The following PLA2G15 variants were observed in gnomAD, a reference collection of about 807,000 sequenced individuals.
PLA2G15 encodes lysosomal phospholipase A and acyltransferase.
A neutral mutation model predicts 40.9 loss-of-function variants in PLA2G15; 20 were observed. That is an observed-to-expected ratio of 0.49 (90% CI 0.34 to 0.71). The LOEUF is 0.71. PLA2G15 is among the 30% of genes least tolerant of loss of function. PLA2G15 has a pLI of 0.01. For missense variants in PLA2G15, 471 were observed against 541.9 expected (o/e 0.87, Z 1.30); for synonymous variants, 223 against 228.2 (o/e 0.98, Z 0.21).
In PLA2G15 at chr16:68,260,175, C is replaced by T. The variant is rs1414139732; in HGVS notation, c.*518C>T. The T allele has an allele frequency of 1.3e-5, 2 of 156,286 alleles. No individual in the cohort carries two copies. The highest frequency in any genetic ancestry group is 2.0e-4 in the South Asian group (1 of 5,066). 9.7% of individuals were successfully genotyped at this position (156,286 alleles called of 1,614,324 possible). A position where few individuals can be genotyped will look rare whatever the true frequency, so the allele number is the denominator to read the frequency against. On this transcript the variant is annotated 3_prime_UTR_variant, in exon 6 of 6. Coordinates refer to ENST00000219345, the MANE Select transcript of PLA2G15 (RefSeq NM_012320.4). ...ATGGGTAGCTAGAGCTGCTGGCTTC[C>T]CTGTGGCTTAGCTGGTGGCCAGCCT...
At position 68,255,416 on chromosome 16, in the gene PLA2G15, G is replaced by T; in HGVS notation, c.502+36G>T. The T allele has an allele frequency of 7.0e-7, 1 of 1,430,358 alleles. No individual in the cohort carries two copies. The highest frequency in any genetic ancestry group is 9.7e-7 in the Non-Finnish European group (1 of 1,029,438). The allele number at this position is 1,430,358 out of a possible 1,614,324, so 88.6% of individuals were successfully genotyped here. ...ACTCTCATTCCCTCCCTGACGTCTC[G>T]GGAGGTAGGGGTGAGGTGATCATGG... On this transcript the variant is annotated intron_variant, in intron 4 of 5. Coordinates refer to ENST00000219345, the MANE Select transcript of PLA2G15 (RefSeq NM_012320.4). The surrounding 1 kb of genome is among the most constrained non-coding windows in gnomAD (Gnocchi z 5.9).
In PLA2G15 at chr16:68,255,015, G is replaced by A. The variant is rs2042389031; in HGVS notation, c.381G>A (p.Leu127=). The A allele has an allele frequency of 6.2e-7, 1 of 1,612,936 alleles. No homozygotes were observed. Among genetic ancestry groups the A allele is most frequent in the African/African-American group, 1.3e-5 (1 of 74,988 alleles). ...GGAAGACCTTCTCACTGGAGTTCCTGGACCCCAGCAAAAGCAGCGTGGGTA... is the reference window on the plus strand; with the variant it reads ...GGAAGACCTTCTCACTGGAGTTCCTAGACCCCAGCAAAAGCAGCGTGGGTA... ...GFGKTFSLEF[L]DPSKSSVGSY... is the part of the protein sequence containing the mutation. The change falls in exon 3 of 6, where the codon CTG becomes CTA. Residue 127 remains leucine, a synonymous_variant. Transcript: ENST00000219345. The surrounding 1 kb of genome is among the most constrained non-coding windows in gnomAD (Gnocchi z 5.9).
rs545651676 is a variant in PLA2G15, at chr16:68,249,467, AG to A, written c.284+27del. On this transcript the variant is annotated intron_variant, in intron 2 of 5. Transcript: ENST00000219345. ...ATCAGGTGGGGGCTGGGGCACACAG[AG>A]GGGGGTGCTGCTCACCAACAGTGCC... 2,464 of 1,611,560 alleles carry A rather than the reference AG, an allele frequency of 1.5e-3. 15 individuals carry two copies. Among genetic ancestry groups the A allele is most frequent in the South Asian group, 8.3e-3 (754 of 90,996 alleles).
intron 2 of PLA2G15, chr16:68,252,565 C>G (rs151128135): frequency 4.4e-6 from 2 of 455,914 alleles, no homozygotes; most frequent in Non-Finnish European, 8.8e-6. Context: ...AGCCCTGAGG[C>G]GGGGTCTGTC....
Position 68,255,481 on chromosome 16 carries a change from C to G in PLA2G15, c.502+101C>G. 1.3e-6 allele frequency: 1 copy of G among 785,014 alleles called. No homozygotes were observed. The highest frequency in any genetic ancestry group is 2.0e-6 in the Non-Finnish European group (1 of 489,180). The allele number at this position is 785,014 out of a possible 1,614,324, so 48.6% of individuals were successfully genotyped here. The stretch of plus-strand genomic sequence containing the variant: ...GGGCTCTCCCCTTGTCCTTGGCTGT[C>G]TCCTGTCCCTGGGCCTCTGGCATCC... On this transcript the variant is annotated intron_variant, in intron 4 of 5. Coordinates refer to ENST00000219345, the MANE Select transcript of PLA2G15 (RefSeq NM_012320.4). This position sits in a 1 kb window ranked among gnomAD's most constrained non-coding sequence, Gnocchi z 5.9.
In PLA2G15 at chr16:68,260,520, A is replaced by C. The variant is rs2042439268; in HGVS notation, c.*863A>C. The C allele has an allele frequency of 6.6e-6, 1 of 152,472 alleles. No homozygotes were observed. Among genetic ancestry groups the C allele is most frequent in the Non-Finnish European group, 1.5e-5 (1 of 68,224 alleles). The allele number at this position is 152,472 out of a possible 1,614,324, so 9.4% of individuals were successfully genotyped here. ...ATGGAGAAAGGGAATCCAAGGAAGC[A>C]GCCAAGGCTGCTCGCAGCTTCCCTG... On this transcript the variant is annotated 3_prime_UTR_variant, in exon 6 of 6. Coordinates refer to ENST00000219345, the MANE Select transcript of PLA2G15 (RefSeq NM_012320.4).
Position 68,245,542 on chromosome 16 carries a change from C to G in PLA2G15, c.116C>G (p.Pro39Arg), listed in dbSNP as rs552310423. Reference sequence around the variant, plus strand: ...GCGCTCCCGGCCGGACGTCACCCCCCAGTGGTGCTGGGTGAGGCACGGGTC... The same window carrying G: ...GCGCTCCCGGCCGGACGTCACCCCCGAGTGGTGCTGGGTGAGGCACGGGTC... ...DPALPAGRHP[P>R]VVLVPGDLGN... is the part of the protein sequence containing the mutation. Residue 39 changes from proline to arginine, a missense_variant, in exon 1 of 6, where the codon CCA (proline) becomes CGA (arginine). Pro to Arg is a moderately radical substitution (Grantham distance 103). Transcript: ENST00000219345. 5.7e-6 allele frequency: 9 copies of G among 1,583,300 alleles called. No individual in the cohort carries two copies. The highest frequency in any genetic ancestry group is 2.3e-5 in the East Asian group (1 of 43,112).
chr16:68,249,525 C>G lies in PLA2G15; in HGVS notation c.284+79C>G, dbSNP rs1383721072. ...GCCTCCAGAGTCTGTTCCTTCTATC[C>G]TCATCTCGAGGTCACTGACCTCTCT... On this transcript the variant is annotated intron_variant, in intron 2 of 5. Transcript: ENST00000219345. 3.6e-6 allele frequency: 5 copies of G among 1,378,300 alleles called. No homozygotes were observed. The Admixed American group carries it at 6.9e-5, about 19-fold the overall frequency. The allele number at this position is 1,378,300 out of a possible 1,614,324, so 85.4% of individuals were successfully genotyped here.
intron 2 of PLA2G15, chr16:68,252,393 A>C (rs1280940979): frequency 6.2e-6 from 2 of 322,968 alleles, no homozygotes; most frequent in Admixed American, 4.3e-5. Context: ...TTGCTTCTTC[A>C]GTGTGTGGCG....
chr16:68,253,635 A>G, intron 2 of PLA2G15: 6 of 274,494 alleles, frequency 2.2e-5, no homozygotes, highest in South Asian at 1.8e-4. Context: ...TCAGCCTTCC[A>G]AAGTGCTGAG....
chr16:68,258,815 T>G, intron 5 of PLA2G15: 3 of 265,188 alleles, frequency 1.1e-5, no homozygotes, highest in East Asian at 7.8e-5. Flanking sequence ...TTGCCAGGCA[T>G]GAGGCATGGT....
At chr16:68,251,039 T>C (rs2151202701) in intron 2 of PLA2G15, among the ~76,000 whole-genome samples, 1 of 152,312 alleles carries the variant, frequency 6.6e-6, no homozygotes, top group Non-Finnish European at 1.5e-5. Flanking sequence ...CTGTACATTT[T>C]ATATACTTTC....
chr16:68,250,241 C>A, intron 2 of PLA2G15: 1 of 305,398 alleles, frequency 3.3e-6, no homozygotes, highest in Non-Finnish European at 6.0e-6. Context: ...AGTGCAATGG[C>A]GCGATCTCGG....
intron 2 of PLA2G15, among the ~76,000 whole-genome samples, chr16:68,251,607 G>C (rs1244909507): frequency 6.6e-6 from 1 of 152,130 alleles, no homozygotes; most frequent in Non-Finnish European, 1.5e-5. Context: ...GCTTGAACCT[G>C]GGTGGTGGAA....
chr16:68,255,883 T>G lies in PLA2G15; in HGVS notation c.620T>G (p.Phe207Cys), dbSNP rs777028349. 58 of 1,614,046 alleles carry G rather than the reference T, an allele frequency of 3.6e-5. No homozygotes were observed. The highest frequency in any genetic ancestry group is 4.8e-5 in the Non-Finnish European group (57 of 1,179,988). Residue 207 changes from phenylalanine (F) to cysteine (C), a missense_variant, in exon 5 of 6, where the codon TTT becomes TGT. Phe to Cys is a radical substitution (Grantham distance 205). Coordinates refer to ENST00000219345, the MANE Select transcript of PLA2G15 (RefSeq NM_012320.4). The surrounding 1 kb of genome is among the most constrained non-coding windows in gnomAD (Gnocchi z 5.9). ...ATGGGCAACATGTACACGCTCTACT[T>G]TCTGCAGCGGCAGCCGCAGGCCTGG... ...HSMGNMYTLY[F>C]LQRQPQAWKD...
chr16:68,257,896 C>A (rs1480484239), intron 5 of PLA2G15, among the ~76,000 whole-genome samples: 3 of 152,212 alleles, frequency 2.0e-5, no homozygotes, highest in African/African-American at 7.2e-5. Flanking sequence ...CCTGCCTTGG[C>A]AGTCCAGGAC....
At chr16:68,251,403 C>T (rs1264964745) in intron 2 of PLA2G15, among the ~76,000 whole-genome samples, 2 of 152,086 alleles carry the variant, frequency 1.3e-5, no homozygotes, top group African/African-American at 2.4e-5. Flanking sequence ...TTTTCCTGGT[C>T]GGGTGCGGTG....
chr16:68,258,088 C>T (rs1460841661), intron 5 of PLA2G15, among the ~76,000 whole-genome samples: 1 of 152,118 alleles, frequency 6.6e-6, no homozygotes, highest in Non-Finnish European at 1.5e-5. Context: ...AGGCCAGAGG[C>T]CCCTGTTCCC....
intron 2 of PLA2G15, chr16:68,250,447 T>G (rs2042346608): frequency 4.4e-6 from 1 of 227,950 alleles, no homozygotes; most frequent in African/African-American, 2.4e-5. Flanking sequence ...ATTTTTTGTA[T>G]TTTTTAGTAG....
Sources: gnomAD v4.1 joint callset for allele counts (sites outside exome capture counted in the v4.1 genomes callset) on GRCh38, gnomAD v4.1.1 for gene constraint, Gnocchi (gnomAD v3.1) non-coding constraint, MANE v1.5 for transcripts, NCBI Gene and HGNC (gene_info 2026-07-23, HGNC 2026-07-21) for gene names.